Variants in ACOXL observed in about 807,000 individuals in gnomAD.
ACOXL encodes acyl-CoA oxidase like, also known as acyl-coenzyme A oxidase-like protein.
In ACOXL, 70 loss-of-function variants were observed where a neutral mutation model predicts 71.9. The ratio of observed to expected loss-of-function variants is 0.97; its 90% CI spans 0.80 to 1.19. ACOXL has a LOEUF of 1.19. Ranked by LOEUF, ACOXL falls within the 50% of genes most tolerant of loss-of-function variation. The pLI is 0.00. For synonymous variants in ACOXL, 253 were observed against 281.6 expected, an observed-to-expected ratio of 0.90 and a Z score of 1.02; for missense variants, 703 against 736.3, an observed-to-expected ratio of 0.95 and a Z score of 0.52.
chr2:110,867,710 A>G (rs1047879465), intron 10 of ACOXL, among the ~76,000 whole-genome samples: 6 of 152,144 alleles, frequency 3.9e-5, no homozygotes, highest in African/African-American at 1.4e-4. Context: ...TAGGAGATCA[A>G]TATTAAATAC....
At chr2:110,925,853 CTTTTTTTTTTT>C (rs59794309) in intron 11 of ACOXL, among the ~76,000 whole-genome samples, 2 of 121,024 alleles carry the variant, frequency 1.7e-5, no homozygotes, top group Non-Finnish European at 3.3e-5. Flanking sequence ...TTACTTCTAG[CTTTTTTTTTTT>C]TTTTTTTTTT....
intron 7 of ACOXL, among the ~76,000 whole-genome samples, chr2:110,800,845 C>T (rs939363044): frequency 1.4e-4 from 21 of 152,236 alleles, no homozygotes; most frequent in African/African-American, 5.1e-4. Context: ...CCTTGCATGT[C>T]AGATGTTGCT....
intron 10 of ACOXL, among the ~76,000 whole-genome samples, chr2:110,884,172 T>C (rs1480384172): frequency 6.6e-6 from 1 of 152,172 alleles, no homozygotes; most frequent in African/African-American, 2.4e-5. Context: ...CCCAAAAAAG[T>C]GGCAAAACCC....
intron 3 of ACOXL, 73 bp from the exon 4 acceptor site, chr2:110,793,577 T>G: frequency 2.2e-6 from 3 of 1,390,072 alleles, no homozygotes; most frequent in South Asian, 1.2e-5. Context: ...CTGATTGGAG[T>G]TTGGCCGTGG....
intron 17 of ACOXL, chr2:111,093,411 T>C (rs1275771460): frequency 8.1e-6 from 13 of 1,604,320 alleles, no homozygotes; most frequent in Middle Eastern, 1.7e-4. Context: ...ACCACGAAAA[T>C]GCTACTGCAA....
At chr2:111,100,788 C>A (rs2069097523) in intron 17 of ACOXL, 1 of 152,680 alleles carries the variant, frequency 6.5e-6, no homozygotes, top group Non-Finnish European at 1.5e-5. Flanking sequence ...TTCGTCTGCC[C>A]TACTGAAAGG....
intron 10 of ACOXL, among the ~76,000 whole-genome samples, chr2:110,857,055 GT>G (rs1428129149): frequency 6.6e-6 from 1 of 152,180 alleles, no homozygotes; most frequent in African/African-American, 2.4e-5. Context: ...GAAGTGGATT[GT>G]TTTCTCTCTT....
chr2:111,022,421 TCACACA>T (rs10543530), intron 14 of ACOXL, among the ~76,000 whole-genome samples: 1 of 147,402 alleles, frequency 6.8e-6, no homozygotes, highest in Non-Finnish European at 1.5e-5. Flanking sequence ...AGACCCCTCC[TCACACA>T]CACACACACA....
At chr2:110,859,667 G>A (rs954495201) in intron 10 of ACOXL, among the ~76,000 whole-genome samples, 7 of 152,198 alleles carry the variant, frequency 4.6e-5, no homozygotes, top group African/African-American at 1.2e-4. Flanking sequence ...TTGTGGAATC[G>A]TATTTTAGGA....
intron 16 of ACOXL, among the ~76,000 whole-genome samples, chr2:111,067,811 C>G (rs2067143485): frequency 6.6e-6 from 1 of 152,146 alleles, no homozygotes; most frequent in Admixed American, 6.5e-5. Context: ...CTGTTATATG[C>G]CAGGGCCTTG....
In ACOXL at chr2:111,051,255, G is replaced by A. The variant is rs1035517920; in HGVS notation, c.1440+1967G>A. Among the ~76,000 whole-genome samples the A allele has an allele frequency of 3.9e-5, 6 of 152,256 alleles. No homozygotes were observed. In the South Asian group the frequency reaches 1.2e-3, roughly 32 times the overall value. On this transcript the variant is annotated intron_variant, in intron 16 of 17. Transcript: ENST00000439055. ...TGTCACATATCAGAAGGCACCATGTGGGTGTGACAATGGTATGCTGGGTTT... is the reference window on the plus strand; with the variant it reads ...TGTCACATATCAGAAGGCACCATGTAGGTGTGACAATGGTATGCTGGGTTT...
chr2:110,739,770 T>C (rs72828856), intron 1 of ACOXL, among the ~76,000 whole-genome samples: 6,388 of 152,288 alleles, frequency 0.042, 197 homozygotes, highest in African/African-American at 0.07. Context: ...ACCAGCTAGT[T>C]GGCTCCGTCA....
intron 8 of ACOXL, among the ~76,000 whole-genome samples, chr2:110,804,844 A>G (rs1319359889): frequency 1.4e-5 from 2 of 147,894 alleles, no homozygotes; most frequent in Non-Finnish European, 3.0e-5. Flanking sequence ...GAGTATGGGG[A>G]GGGACTGCTA....
At position 110,933,590 on chromosome 2, in the gene ACOXL, C is replaced by A. The variant is rs2060558053; in HGVS notation, c.1007C>A (p.Thr336Asn). The part of the protein sequence containing the change: ...ALVAGLKAYS[T>N]WENIRCLQDC... ...GTGGCGGGGCTGAAGGCCTACAGCA[C>A]CTGGGAGAACATCCGCTGCCTGCAG... The change falls in exon 12 of 18, where the codon ACC becomes AAC. Residue 336 changes from threonine (T) to asparagine (N), a missense_variant. Thr to Asn is a moderately conservative substitution (Grantham distance 65). Transcript: ENST00000439055. The A allele has an allele frequency of 6.2e-7, 1 of 1,613,858 alleles. No homozygotes were observed. The highest frequency in any genetic ancestry group is 8.5e-7 in the Non-Finnish European group (1 of 1,179,978).
At chr2:110,754,612 A>G (rs1462791854) in intron 1 of ACOXL, among the ~76,000 whole-genome samples, 3 of 152,230 alleles carry the variant, frequency 2.0e-5, no homozygotes, top group Non-Finnish European at 4.4e-5. Context: ...TTCACTCAAC[A>G]CAATGCCCTA....
At chr2:110,990,978 A>G (rs1217766758) in intron 13 of ACOXL, among the ~76,000 whole-genome samples, 1 of 152,176 alleles carries the variant, frequency 6.6e-6, no homozygotes, top group Admixed American at 6.5e-5. Flanking sequence ...TTTATGTCAA[A>G]GTTTTACATC....
chr2:110,997,267 G>A (rs1363216586), intron 14 of ACOXL, among the ~76,000 whole-genome samples: 1 of 152,152 alleles, frequency 6.6e-6, no homozygotes, highest in African/African-American at 2.4e-5. Flanking sequence ...ATTCCTGGAA[G>A]TGCTGGGACA....
intron 10 of ACOXL, among the ~76,000 whole-genome samples, chr2:110,891,643 A>G (rs1697940457): frequency 6.6e-6 from 1 of 152,082 alleles, no homozygotes; most frequent in Admixed American, 6.6e-5. Flanking sequence ...CATTTGCTGT[A>G]TGCCTTAGAG....
intron 11 of ACOXL, among the ~76,000 whole-genome samples, chr2:110,923,799 G>A (rs955317305): frequency 4.6e-5 from 7 of 152,076 alleles, no homozygotes; most frequent in Admixed American, 4.6e-4. Context: ...AGCTGGGCGT[G>A]GTGGTGGGGG....
Sources: allele counts gnomAD v4.1 joint callset (sites outside exome capture counted in the v4.1 genomes callset), GRCh38; gene constraint gnomAD v4.1.1; transcripts MANE v1.5; gene names NCBI Gene and HGNC (gene_info 2026-07-23, HGNC 2026-07-21).